The following KIF13A variants were observed in gnomAD, a reference collection of about 807,000 sequenced individuals.
KIF13A encodes the protein kinesin family member 13A.
KIF13A carries 79 observed loss-of-function variants against 212.2 expected under a neutral mutation model. That is an observed-to-expected ratio of 0.37 (90% CI 0.31 to 0.45). The LOEUF is 0.45. Among genes scored for constraint, KIF13A ranks in the 20% least tolerant of loss-of-function variants. The pLI is 1.00. For synonymous variants in KIF13A, 789 were observed against 808.6 expected, an observed-to-expected ratio of 0.98 and a Z score of 0.41; for missense variants, 1,901 against 2,209.0, an observed-to-expected ratio of 0.86 and a Z score of 2.79.
chr6:17,925,658 T>C (rs1395451360), intron 2 of KIF13A, among the ~76,000 whole-genome samples: 3 of 152,174 alleles, frequency 2.0e-5, no homozygotes, highest in Admixed American at 2.0e-4. Context: ...GAGCTGATAA[T>C]CAACAGTATG....
rs982593796 is a variant in KIF13A at position 17,886,555 on chromosome 6, T to C, written c.159+11613A>G. 3.3e-5 allele frequency among the ~76,000 whole-genome samples: 5 copies of C among 152,174 alleles called. No individual in the cohort carries two copies. Among genetic ancestry groups the C allele is most frequent in the African/African-American group, 1.2e-4 (5 of 41,434 alleles). On this transcript the variant is annotated intron_variant, in intron 3 of 38. Coordinates refer to ENST00000259711, the MANE Select transcript of KIF13A (RefSeq NM_022113.6). The surrounding 1 kb of genome is among the most constrained non-coding windows in gnomAD (Gnocchi z 5.6). ...AAGGGAGATGGATATCTTTTCTTCC[T>C]GGGGCCTATACTCCATGTGACCTGG...
At chr6:17,823,921 T>C (rs534084992) in intron 16 of KIF13A, among the ~76,000 whole-genome samples, 1 of 150,380 alleles carries the variant, frequency 6.6e-6, no homozygotes, top group East Asian at 2.0e-4. Context: ...AAATTTCTTT[T>C]TTTTTTTTTG....
intron 2 of KIF13A, among the ~76,000 whole-genome samples, chr6:17,901,142 A>T (rs532714766): frequency 4.2e-4 from 63 of 148,400 alleles, no homozygotes; most frequent in African/African-American, 1.4e-3. Flanking sequence ...TTTTGAGTGC[A>T]GGGAAGAAAA....
At chr6:17,822,846 G>C (rs79107490) in intron 16 of KIF13A, among the ~76,000 whole-genome samples, 3,870 of 152,286 alleles carry the variant, frequency 0.025, 73 homozygotes, top group Non-Finnish European at 0.04. Flanking sequence ...ATGTCTCTGG[G>C]ATTCCTCCCA....
intron 4 of KIF13A, among the ~76,000 whole-genome samples, chr6:17,866,618 G>C (rs1411510280): frequency 6.6e-6 from 1 of 151,908 alleles, no homozygotes; most frequent in Non-Finnish European, 1.5e-5. Flanking sequence ...TGCATGTAGA[G>C]GGATCGGCAC....
chr6:17,817,666 T>A (rs1764071165), intron 16 of KIF13A, among the ~76,000 whole-genome samples: 1 of 152,202 alleles, frequency 6.6e-6, no homozygotes, highest in Non-Finnish European at 1.5e-5. Context: ...AATATCAGTT[T>A]TGGTATACGA....
intron 2 of KIF13A, among the ~76,000 whole-genome samples, chr6:17,985,311 T>G (rs770418345): frequency 1.3e-5 from 2 of 152,172 alleles, no homozygotes; most frequent in Non-Finnish European, 2.9e-5. Flanking sequence ...AGATCCTGAT[T>G]AGTAACTAAC....
In KIF13A at chr6:17,915,535, G is replaced by C. The variant is rs1015156081; in HGVS notation, c.147-17355C>G. 2.6e-5 allele frequency among the ~76,000 whole-genome samples: 4 copies of C among 152,114 alleles called. No homozygotes were observed. In the South Asian group the frequency reaches 8.3e-4, roughly 31 times the overall value. Reference sequence around the variant, plus strand: ...TGCCAGATGCTTGCAGTTTGACAGCGTGCAGGACCTGCCACCTTGAGGACT... The same window carrying C: ...TGCCAGATGCTTGCAGTTTGACAGCCTGCAGGACCTGCCACCTTGAGGACT... On this transcript the variant is annotated intron_variant, in intron 2 of 38. Transcript: ENST00000259711. The surrounding 1 kb of genome is among the most constrained non-coding windows in gnomAD (Gnocchi z 4.4).
Position 17,886,363 on chromosome 6 carries a change from G to T in KIF13A, c.159+11805C>A, listed in dbSNP as rs1363356541. ...GGTCACCAAAGCTAAAGGACCTGAG[G>T]CAGTCCAGGGGTTGCAAACATTTAC... On this transcript the variant is annotated intron_variant, in intron 3 of 38. Coordinates refer to ENST00000259711, the MANE Select transcript of KIF13A (RefSeq NM_022113.6). This position sits in a 1 kb window ranked among gnomAD's most constrained non-coding sequence, Gnocchi z 5.6. 6.6e-6 allele frequency among the ~76,000 whole-genome samples: 1 copy of T among 152,142 alleles called. No individual in the cohort carries two copies. The highest frequency in any genetic ancestry group is 1.5e-5 in the Non-Finnish European group (1 of 68,022).
At chr6:17,853,986 G>T (rs999064765) in intron 6 of KIF13A, among the ~76,000 whole-genome samples, 2 of 152,062 alleles carry the variant, frequency 1.3e-5, no homozygotes, top group African/African-American at 2.4e-5. Flanking sequence ...GTAGGCAGTT[G>T]TTTTTATTAC....
Position 17,893,053 on chromosome 6 carries a change from T to C in KIF13A, c.159+5115A>G, listed in dbSNP as rs1772211294. Reference sequence around the variant, plus strand: ...CTTATGGGACTGAGCCCCTAACCTGTAGGTCTGTGCTAACTCCAGGTAACA... The same window carrying C: ...CTTATGGGACTGAGCCCCTAACCTGCAGGTCTGTGCTAACTCCAGGTAACA... On this transcript the variant is annotated intron_variant, in intron 3 of 38. Coordinates refer to ENST00000259711, the MANE Select transcript of KIF13A (RefSeq NM_022113.6). Among the ~76,000 whole-genome samples the C allele has an allele frequency of 2.0e-5, 3 of 152,300 alleles. No individual in the cohort carries two copies. The South Asian group carries it at 6.2e-4, about 32-fold the overall frequency.
intron 2 of KIF13A, among the ~76,000 whole-genome samples, chr6:17,930,164 A>G (rs1775869350): frequency 6.6e-6 from 1 of 152,234 alleles, no homozygotes; most frequent in Non-Finnish European, 1.5e-5. Flanking sequence ...ACTAGAAAGG[A>G]GAACAACATT....
chr6:17,833,855 C>CAAAAAAAAAAAAAA (rs11358140), intron 12 of KIF13A, 106 bp downstream of exon 12: 1 of 329,484 alleles, frequency 3.0e-6, no homozygotes, highest in Non-Finnish European at 5.0e-6. Flanking sequence ...GACTCCGTCT[C>CAAAAAAAAAAAAAA]AAAAAAAAAA....
chr6:17,830,972 A>G (rs1345377004), intron 13 of KIF13A, 129 bp downstream of exon 13: 1 of 762,030 alleles, frequency 1.3e-6, no homozygotes, highest in African/African-American at 1.7e-5. Flanking sequence ...GGAGGGCACT[A>G]TCCATCTTAG....
intron 29 of KIF13A, among the ~76,000 whole-genome samples, chr6:17,781,623 G>GGT (rs1554163467): frequency 3.7e-5 from 4 of 107,076 alleles, no homozygotes; most frequent in Middle Eastern, 6.5e-3. Flanking sequence ...CTGTACTTGG[G>GGT]TTTTTTTTTT....
At chr6:17,905,201 C>T (rs1424527298) in intron 2 of KIF13A, among the ~76,000 whole-genome samples, 1 of 152,288 alleles carries the variant, frequency 6.6e-6, no homozygotes, top group Non-Finnish European at 1.5e-5. Flanking sequence ...CAAGACAATT[C>T]TTCTTCTTCC....
chr6:17,902,608 T>C (rs1400243577), intron 2 of KIF13A, among the ~76,000 whole-genome samples: 1 of 152,160 alleles, frequency 6.6e-6, no homozygotes, highest in Non-Finnish European at 1.5e-5. Flanking sequence ...CTCTGCCGGA[T>C]CATACCTGCC....
intron 2 of KIF13A, among the ~76,000 whole-genome samples, chr6:17,938,660 C>A (rs953064909): frequency 4.6e-5 from 7 of 152,092 alleles, no homozygotes; most frequent in African/African-American, 1.7e-4. Flanking sequence ...CTAAATCTCA[C>A]TGAAATGTCA....
chr6:17,778,274 T>C (rs918792777), intron 33 of KIF13A, among the ~76,000 whole-genome samples: 8 of 152,320 alleles, frequency 5.3e-5, no homozygotes, highest in African/African-American at 1.7e-4. Context: ...ATTTGCAAAA[T>C]GACAATGAAG....
Sources: allele counts gnomAD v4.1 joint callset (sites outside exome capture counted in the v4.1 genomes callset), GRCh38; gene constraint gnomAD v4.1.1; non-coding constraint Gnocchi (gnomAD v3.1); transcripts MANE v1.5; gene names NCBI Gene and HGNC (gene_info 2026-07-23, HGNC 2026-07-21).